Variants in MACROD2 observed in about 807,000 individuals in gnomAD.
MACROD2 encodes ADP-ribose glycohydrolase MACROD2.
A neutral mutation model predicts 70.4 loss-of-function variants in MACROD2; 36 were observed. The observed-to-expected ratio is 0.51, with a 90% CI of 0.39 to 0.68. MACROD2 has a LOEUF of 0.68. MACROD2 is among the 30% of genes least tolerant of loss of function. The pLI is 0.00. For missense variants in MACROD2, 496 were observed against 538.4 expected (o/e 0.92, Z 0.78); for synonymous variants, 172 against 178.8 (o/e 0.96, Z 0.30).
rs577400382 is a variant in MACROD2 at position 14,959,631 on chromosome 20, C to T, written c.419-270309C>T. Among the ~76,000 whole-genome samples, 7 of 152,264 alleles carry T rather than the reference C, an allele frequency of 4.6e-5. No individual in the cohort carries two copies. In the East Asian group the frequency reaches 5.8e-4, roughly 13 times the overall value. ...CCATAAAGATGTACAACTCTAGGGA[C>T]GGGATGGCGTCCACACAGAAGCAAT... On this transcript the variant is annotated intron_variant, in intron 5 of 17. Coordinates refer to ENST00000684519, the MANE Select transcript of MACROD2 (RefSeq NM_001351661.2).
At chr20:15,424,812 A>G (rs1210118709) in intron 6 of MACROD2, among the ~76,000 whole-genome samples, 3 of 152,200 alleles carry the variant, frequency 2.0e-5, no homozygotes, top group Non-Finnish European at 4.4e-5. Flanking sequence ...TTGAACTAGG[A>G]TAACTCTTAT....
intron 3 of MACROD2, among the ~76,000 whole-genome samples, chr20:14,296,352 G>A (rs777705508): frequency 1.9e-4 from 29 of 151,910 alleles, no homozygotes; most frequent in Admixed American, 1.3e-4. Context: ...TGTACAAGAA[G>A]TTCATGGCTG....
At chr20:15,758,540 T>C (rs982588267) in intron 8 of MACROD2, among the ~76,000 whole-genome samples, 1 of 43,134 alleles carries the variant, frequency 2.3e-5, no homozygotes, top group East Asian at 9.9e-4. Context: ...GCACCCAGTC[T>C]TTTTTTTTTT....
intron 15 of MACROD2, 148 bp from the exon 16 acceptor site, chr20:16,041,053 T>C: frequency 1.5e-6 from 1 of 686,986 alleles, no homozygotes; most frequent in Non-Finnish European, 2.5e-6. Context: ...CAACCCTCTG[T>C]TTCCTCTTTT....
intron 5 of MACROD2, among the ~76,000 whole-genome samples, chr20:15,045,750 T>TTTTTTA (rs2075389663): frequency 6.8e-6 from 1 of 146,738 alleles, no homozygotes; most frequent in African/African-American, 2.5e-5. Context: ...TTTTTCCCTT[T>TTTTTTA]CTGATAACAC....
At chr20:14,541,994 A>G (rs2085439238) in intron 4 of MACROD2, among the ~76,000 whole-genome samples, 1 of 152,206 alleles carries the variant, frequency 6.6e-6, no homozygotes, top group South Asian at 2.1e-4. Context: ...TAAACCACAT[A>G]ATGTTTTTAA....
chr20:16,000,848 A>AT (rs913256168), intron 15 of MACROD2, among the ~76,000 whole-genome samples: 3 of 152,236 alleles, frequency 2.0e-5, no homozygotes, highest in Admixed American at 6.5e-5. Context: ...TTATGTATAC[A>AT]TTTTTTGTAA....
intron 6 of MACROD2, among the ~76,000 whole-genome samples, chr20:15,238,935 G>A (rs905890264): frequency 1.3e-5 from 2 of 152,156 alleles, no homozygotes; most frequent in Non-Finnish European, 2.9e-5. Context: ...AGTGAAATTT[G>A]TATAGAAACA....
chr20:15,140,652 C>T (rs540692925), intron 5 of MACROD2, among the ~76,000 whole-genome samples: 8 of 152,142 alleles, frequency 5.3e-5, no homozygotes, highest in African/African-American at 1.9e-4. Flanking sequence ...AGAAGTGAGG[C>T]TGGGCTGGCA....
chr20:15,549,811 C>G (rs1326273213), intron 8 of MACROD2, among the ~76,000 whole-genome samples: 2 of 152,110 alleles, frequency 1.3e-5, no homozygotes, highest in Non-Finnish European at 2.9e-5. Flanking sequence ...CATGTTAACT[C>G]AAACCAAATA....
chr20:15,704,818 T>C (rs908810542), intron 8 of MACROD2, among the ~76,000 whole-genome samples: 18 of 152,226 alleles, frequency 1.2e-4, no homozygotes, highest in Non-Finnish European at 2.5e-4. Context: ...GGCATAAATA[T>C]TTGAAGTCAC....
chr20:15,206,805 C>T (rs535751732), intron 5 of MACROD2, among the ~76,000 whole-genome samples: 13 of 138,118 alleles, frequency 9.4e-5, no homozygotes, highest in Non-Finnish European at 1.8e-4. Context: ...GGCGCAATCT[C>T]GGCTCACTGC....
At chr20:15,817,955 C>A (rs939654553) in intron 8 of MACROD2, among the ~76,000 whole-genome samples, 1 of 152,146 alleles carries the variant, frequency 6.6e-6, no homozygotes, top group Non-Finnish European at 1.5e-5. Context: ...CCCCCAAAAG[C>A]TATGCTTTCT....
intron 8 of MACROD2, among the ~76,000 whole-genome samples, chr20:15,637,482 A>G (rs1238890655): frequency 6.6e-6 from 1 of 152,172 alleles, no homozygotes; most frequent in Admixed American, 6.5e-5. Flanking sequence ...CAAATTTTCA[A>G]CACCATTTGG....
At chr20:15,139,815 C>T (rs1218555050) in intron 5 of MACROD2, among the ~76,000 whole-genome samples, 6 of 152,140 alleles carry the variant, frequency 3.9e-5, no homozygotes, top group African/African-American at 2.4e-5. Context: ...CTCACGACAC[C>T]ACACATAGTC....
Position 14,598,156 on chromosome 20 carries a change from T to C in MACROD2, c.302-86687T>C, listed in dbSNP as rs76870002. On this transcript the variant is annotated intron_variant, in intron 4 of 17. Coordinates refer to ENST00000684519, the MANE Select transcript of MACROD2 (RefSeq NM_001351661.2). ...AGCATTTCTACAAGCACTATGTTCA[T>C]TGGCAGACTCACGCAAACTTCATGA... 5.4e-3 allele frequency among the ~76,000 whole-genome samples: 823 copies of C among 152,272 alleles called. 16 individuals carry two copies. The highest frequency in any genetic ancestry group is 0.019 in the African/African-American group (778 of 41,582).
At chr20:14,065,238 C>T (rs996593789) in intron 2 of MACROD2, among the ~76,000 whole-genome samples, 15 of 152,244 alleles carry the variant, frequency 9.9e-5, no homozygotes, top group Non-Finnish European at 1.9e-4. Flanking sequence ...TTTGATTCTC[C>T]CTCTTGGTGT....
intron 8 of MACROD2, among the ~76,000 whole-genome samples, chr20:15,785,109 G>A (rs909819600): frequency 6.8e-6 from 1 of 147,228 alleles, no homozygotes; most frequent in East Asian, 2.0e-4. Flanking sequence ...CCGAGTTGGC[G>A]CCGCTGCACT....
chr20:15,831,485 T>C (rs1267533432), intron 8 of MACROD2, among the ~76,000 whole-genome samples: 1 of 152,186 alleles, frequency 6.6e-6, no homozygotes, highest in Non-Finnish European at 1.5e-5. Context: ...TAAAAAAAGA[T>C]GTATGCAGAA....
Sources: gnomAD v4.1 joint callset for allele counts (sites outside exome capture counted in the v4.1 genomes callset) on GRCh38, gnomAD v4.1.1 for gene constraint, MANE v1.5 for transcripts, NCBI Gene and HGNC (gene_info 2026-07-23, HGNC 2026-07-21) for gene names.